The following HACD2 variants were observed in gnomAD, a reference collection of about 807,000 sequenced individuals.
HACD2 encodes 3-hydroxyacyl-CoA dehydratase 2, also known as very-long-chain (3R)-3-hydroxyacyl-CoA dehydratase 2.
HACD2 carries 15 observed loss-of-function variants against 31.0 expected under a neutral mutation model. That is an observed-to-expected ratio of 0.48 (90% CI 0.32 to 0.75). The LOEUF (loss-of-function observed/expected upper bound fraction) is 0.75. Ranked by LOEUF, HACD2 falls within the 30% of genes least tolerant of loss-of-function variation. The pLI, the probability that HACD2 is intolerant of heterozygous loss-of-function variation, is 0.03. For synonymous variants in HACD2, 115 were observed against 122.2 expected, an observed-to-expected ratio of 0.94 and a Z score of 0.39; for missense variants, 283 against 313.0, an observed-to-expected ratio of 0.90 and a Z score of 0.72.
rs1477948997 is a variant in HACD2 at position 123,494,324 on chromosome 3, G to A, written c.*564C>T. ...ACAGGCACTACCCCGAAGCTTCATA[G>A]ACATATACATTTTATAATTCATTCA... On this transcript the variant is annotated 3_prime_UTR_variant, in exon 7 of 7. Transcript: ENST00000383657. 1 of 154,542 alleles carries A rather than the reference G, an allele frequency of 6.5e-6. No homozygotes were observed. The highest frequency in any genetic ancestry group is 1.4e-5 in the Non-Finnish European group (1 of 69,988). 9.6% of individuals were successfully genotyped at this position (154,542 alleles called of 1,614,324 possible).
chr3:123,538,780 C>T (rs1324041031), intron 3 of HACD2, among the ~76,000 whole-genome samples: 4 of 152,188 alleles, frequency 2.6e-5, no homozygotes, highest in African/African-American at 9.7e-5. Flanking sequence ...GGTCCCCTGG[C>T]CTCTCAGCAT....
chr3:123,582,948 A>G (rs2056982031), intron 1 of HACD2, among the ~76,000 whole-genome samples: 1 of 152,228 alleles, frequency 6.6e-6, no homozygotes, highest in African/African-American at 2.4e-5. Flanking sequence ...TACAGCTGTG[A>G]ATGTTATATT....
At chr3:123,554,619 C>T (rs1267004910) in intron 3 of HACD2, among the ~76,000 whole-genome samples, 1 of 152,146 alleles carries the variant, frequency 6.6e-6, no homozygotes, top group Non-Finnish European at 1.5e-5. Flanking sequence ...GTAAGATAAA[C>T]ATACCTGTCA....
chr3:123,548,012 C>T (rs1483195076), intron 3 of HACD2, among the ~76,000 whole-genome samples: 1 of 151,988 alleles, frequency 6.6e-6, no homozygotes, highest in South Asian at 2.1e-4. Context: ...GGCTTCAGAA[C>T]CATGCTCTTA....
intron 4 of HACD2, among the ~76,000 whole-genome samples, chr3:123,513,439 A>T (rs771182932): frequency 2.6e-5 from 4 of 152,220 alleles, no homozygotes; most frequent in Non-Finnish European, 5.9e-5. Context: ...ACAGAGGTCA[A>T]CGTCACCAGG....
intron 3 of HACD2, chr3:123,543,718 C>G (rs1216217695): frequency 2.4e-6 from 1 of 418,252 alleles, no homozygotes; most frequent in Non-Finnish European, 4.8e-6. Flanking sequence ...ACAATGTAGA[C>G]ACTGGATATG....
intron 2 of HACD2, among the ~76,000 whole-genome samples, chr3:123,573,337 C>T (rs573034494): frequency 2.6e-5 from 4 of 152,266 alleles, no homozygotes; most frequent in African/African-American, 9.6e-5. Context: ...TGGGGGAAAA[C>T]ACCTTTCCAC....
intron 5 of HACD2, 106 bp downstream of exon 5, chr3:123,502,454 G>T: frequency 1.7e-6 from 2 of 1,200,398 alleles, no homozygotes; most frequent in Non-Finnish European, 2.3e-6. Flanking sequence ...TACCCAACCC[G>T]TCTCAATTTT....
At chr3:123,564,093 G>A (rs989579721) in intron 3 of HACD2, among the ~76,000 whole-genome samples, 2 of 152,218 alleles carry the variant, frequency 1.3e-5, no homozygotes, top group African/African-American at 4.8e-5. Context: ...ACAAGGTCTC[G>A]TCTGGGATGA....
intron 2 of HACD2, among the ~76,000 whole-genome samples, chr3:123,579,259 T>C (rs2056940128): frequency 6.6e-6 from 1 of 152,124 alleles, no homozygotes; most frequent in Non-Finnish European, 1.5e-5. Flanking sequence ...TTCCATAAGA[T>C]ATACTTAAAT....
chr3:123,497,457 T>G (rs1380701955), intron 6 of HACD2, among the ~76,000 whole-genome samples: 1 of 152,180 alleles, frequency 6.6e-6, no homozygotes, highest in Non-Finnish European at 1.5e-5. Context: ...GAGAGAACTG[T>G]GGAGGACGAC....
intron 3 of HACD2, among the ~76,000 whole-genome samples, chr3:123,534,714 T>G (rs2056404270): frequency 6.6e-6 from 1 of 152,060 alleles, no homozygotes; most frequent in East Asian, 1.9e-4. Context: ...TGTGTGTTAG[T>G]GCCTCCGAAG....
intron 4 of HACD2, among the ~76,000 whole-genome samples, chr3:123,510,631 T>G (rs115321658): frequency 6.6e-6 from 1 of 152,230 alleles, no homozygotes; most frequent in Non-Finnish European, 1.5e-5. Flanking sequence ...CTGAAAAATA[T>G]GTCATTGTAC....
At chr3:123,509,108 A>G (rs1159568052) in intron 4 of HACD2, among the ~76,000 whole-genome samples, 1 of 152,200 alleles carries the variant, frequency 6.6e-6, no homozygotes, top group Admixed American at 6.5e-5. Context: ...GCAATGCTAT[A>G]GACTAGGTGT....
At chr3:123,518,719 G>A (rs898093956) in intron 4 of HACD2, among the ~76,000 whole-genome samples, 9 of 152,106 alleles carry the variant, frequency 5.9e-5, no homozygotes, top group African/African-American at 1.7e-4. Context: ...AGCAAAGGCC[G>A]GGCATGGTGG....
chr3:123,515,599 G>A (rs749763844), intron 4 of HACD2, among the ~76,000 whole-genome samples: 5 of 151,830 alleles, frequency 3.3e-5, no homozygotes, highest in Non-Finnish European at 5.9e-5. Context: ...CGACAATCTG[G>A]GTCCTTTCTC....
chr3:123,516,913 G>A (rs2056145180), intron 4 of HACD2, among the ~76,000 whole-genome samples: 1 of 152,182 alleles, frequency 6.6e-6, no homozygotes, highest in Non-Finnish European at 1.5e-5. Context: ...CTCCAATTGA[G>A]TGTAACTCTG....
At chr3:123,502,764 A>T (rs1478504458) in intron 4 of HACD2, 83 bp from the exon 5 acceptor site, 3 of 1,441,996 alleles carry the variant, frequency 2.1e-6, no homozygotes, top group Non-Finnish European at 2.8e-6. Flanking sequence ...AGAGCCAGGG[A>T]GTGAGTCGGC....
intron 4 of HACD2, among the ~76,000 whole-genome samples, chr3:123,504,462 C>T (rs2055947879): frequency 6.6e-6 from 1 of 152,058 alleles, no homozygotes; most frequent in African/African-American, 2.4e-5. Flanking sequence ...GTGGGTTACT[C>T]CGAGACTCAG....
Sources: gnomAD v4.1 joint callset for allele counts (sites outside exome capture counted in the v4.1 genomes callset) on GRCh38, gnomAD v4.1.1 for gene constraint, MANE v1.5 for transcripts, NCBI Gene and HGNC (gene_info 2026-07-23, HGNC 2026-07-21) for gene names.